Variants in PTPRM observed in about 807,000 individuals in gnomAD.
PTPRM encodes protein tyrosine phosphatase receptor type M.
A neutral mutation model predicts 186.7 loss-of-function variants in PTPRM; 47 were observed. That is an observed-to-expected ratio of 0.25 (90% confidence interval 0.20 to 0.32). The LOEUF (loss-of-function observed/expected upper bound fraction) is 0.32, where lower values mean the gene tolerates loss of function less well. PTPRM is among the 10% of genes least tolerant of loss of function. PTPRM has a pLI of 1.00. For missense variants in PTPRM, 1,494 were observed against 1,865.0 expected, an observed-to-expected ratio of 0.80 and a Z score of 3.66; for synonymous variants, 668 against 674.9, an observed-to-expected ratio of 0.99 and a Z score of 0.16.
At chr18:8,037,041 T>G (rs1234035647) in intron 7 of PTPRM, among the ~76,000 whole-genome samples, 1 of 152,188 alleles carries the variant, frequency 6.6e-6, no homozygotes, top group African/African-American at 2.4e-5. Context: ...CCTAAGCAAA[T>G]GAGTCTCTCA....
At chr18:7,886,950 CAG>C (rs1402370641) in intron 2 of PTPRM, among the ~76,000 whole-genome samples, 3 of 152,130 alleles carry the variant, frequency 2.0e-5, no homozygotes, top group Non-Finnish European at 4.4e-5. Context: ...GTAAACAAGA[CAG>C]AAATTCCATA....
intron 13 of PTPRM, among the ~76,000 whole-genome samples, chr18:8,124,730 T>G (rs563904464): frequency 3.3e-5 from 5 of 152,322 alleles, no homozygotes; most frequent in African/African-American, 1.2e-4. Context: ...GTGTGACAGC[T>G]CTGAACATTT....
chr18:7,647,226 A>G (rs1044112770), intron 1 of PTPRM, among the ~76,000 whole-genome samples: 55 of 152,220 alleles, frequency 3.6e-4, no homozygotes, highest in Non-Finnish European at 7.3e-5. Context: ...ATATGAATCA[A>G]TAGTCTCCTG....
At chr18:7,658,363 T>TATATATATATAC (rs1490051251) in intron 1 of PTPRM, among the ~76,000 whole-genome samples, 2 of 142,074 alleles carry the variant, frequency 1.4e-5, no homozygotes, top group African/African-American at 5.3e-5. Flanking sequence ...TATATATACA[T>TATATATATATAC]ACACACACAC....
At chr18:7,933,087 G>T (rs1187758987) in intron 5 of PTPRM, among the ~76,000 whole-genome samples, 22 of 152,196 alleles carry the variant, frequency 1.4e-4, no homozygotes, top group African/African-American at 5.1e-4. Flanking sequence ...CACCTACCCA[G>T]TAGTTACTAA....
At chr18:8,062,531 G>A (rs1280930056) in intron 7 of PTPRM, among the ~76,000 whole-genome samples, 2 of 22,584 alleles carry the variant, frequency 8.9e-5, no homozygotes, top group Admixed American at 4.9e-4. Context: ...GAGGAGAGGC[G>A]CTCTGCGTTT....
chr18:7,600,024 T>A (rs2037360746), intron 1 of PTPRM, among the ~76,000 whole-genome samples: 1 of 152,208 alleles, frequency 6.6e-6, no homozygotes, highest in Admixed American at 6.5e-5. Context: ...GTTGCTCTCT[T>A]AGCTGTTCTC....
chr18:7,749,313 G>T (rs2041097398), intron 1 of PTPRM: 1 of 151,192 alleles, frequency 6.6e-6, no homozygotes, highest in South Asian at 2.1e-4. Flanking sequence ...ACTACTGCAA[G>T]TTGTGAGTTA....
intron 7 of PTPRM, among the ~76,000 whole-genome samples, chr18:8,000,137 G>A (rs546913586): frequency 9.9e-5 from 15 of 152,198 alleles, no homozygotes; most frequent in African/African-American, 2.7e-4. Context: ...GCTCAGTAAC[G>A]TGATGCAGGT....
intron 2 of PTPRM, among the ~76,000 whole-genome samples, chr18:7,861,918 C>G (rs142199741): frequency 6.6e-6 from 1 of 152,144 alleles, no homozygotes; most frequent in East Asian, 1.9e-4. Context: ...GGGGAAAAAC[C>G]CTCTCCTTAA....
chr18:7,973,610 T>A (rs75560968), intron 7 of PTPRM, among the ~76,000 whole-genome samples: 3,240 of 152,258 alleles, frequency 0.021, 44 homozygotes, highest in African/African-American at 0.044. Context: ...ATTTGTCATA[T>A]GTTTTCAAAA....
intron 15 of PTPRM, among the ~76,000 whole-genome samples, chr18:8,247,459 G>T (rs980800066): frequency 6.6e-6 from 1 of 152,160 alleles, no homozygotes; most frequent in African/African-American, 2.4e-5. Flanking sequence ...ATTGGGAATC[G>T]TCTCCAAAAG....
At chr18:7,853,963 T>C (rs2046981545) in intron 2 of PTPRM, among the ~76,000 whole-genome samples, 1 of 152,206 alleles carries the variant, frequency 6.6e-6, no homozygotes, top group Non-Finnish European at 1.5e-5. Flanking sequence ...GGAGAGAAAA[T>C]GAGCCATAAA....
intron 5 of PTPRM, among the ~76,000 whole-genome samples, chr18:7,940,294 G>A (rs370703965): frequency 6.6e-6 from 1 of 152,208 alleles, no homozygotes; most frequent in Non-Finnish European, 1.5e-5. Flanking sequence ...AAGGATCCCT[G>A]CCTTCATGGG....
intron 1 of PTPRM, among the ~76,000 whole-genome samples, chr18:7,643,615 C>T (rs542260748): frequency 1.3e-5 from 2 of 152,304 alleles, no homozygotes; most frequent in East Asian, 3.9e-4. Flanking sequence ...GCTGGGATTA[C>T]AGGCATGAGC....
At chr18:8,118,006 A>T (rs931173107) in intron 13 of PTPRM, among the ~76,000 whole-genome samples, 1 of 152,076 alleles carries the variant, frequency 6.6e-6, no homozygotes, top group Non-Finnish European at 1.5e-5. Flanking sequence ...TGGTGGTCTC[A>T]TGGTAACTAG....
intron 7 of PTPRM, among the ~76,000 whole-genome samples, chr18:7,986,664 C>T (rs956000558): frequency 1.3e-5 from 2 of 152,108 alleles, no homozygotes; most frequent in Non-Finnish European, 2.9e-5. Context: ...CTAAAATGGC[C>T]TAAATTTAGC....
intron 4 of PTPRM, among the ~76,000 whole-genome samples, chr18:7,919,771 CT>C (rs1230980150): frequency 6.6e-6 from 1 of 152,032 alleles, no homozygotes; most frequent in Admixed American, 6.5e-5. Flanking sequence ...TCTTTGTTGA[CT>C]TTCTGTCTGA....
At chr18:7,891,721 A>C (rs79862285) in intron 3 of PTPRM, among the ~76,000 whole-genome samples, 23,412 of 151,962 alleles carry the variant, frequency 0.15, 2,241 homozygotes, top group East Asian at 0.41. Flanking sequence ...CTAAAAATAC[A>C]AAAATTAGCT....
Sources: gnomAD v4.1 joint callset for allele counts (sites outside exome capture counted in the v4.1 genomes callset) on GRCh38, gnomAD v4.1.1 for gene constraint, MANE v1.5 for transcripts, NCBI Gene and HGNC (gene_info 2026-07-23, HGNC 2026-07-21) for gene names.